AGL: variants seen among roughly 807,000 people sequenced by gnomAD.
AGL encodes amylo-alpha-1,6-glucosidase and 4-alpha-glucanotransferase.
A neutral mutation model predicts 199.3 loss-of-function variants in AGL; 128 were observed. The observed-to-expected ratio is 0.64, with a 90% CI of 0.56 to 0.74. AGL has a LOEUF of 0.74. AGL is among the 30% of genes least tolerant of loss of function. The pLI, the probability that AGL is intolerant of heterozygous loss-of-function variation, is 0.00. For missense variants in AGL, 1,809 were observed against 1,820.8 expected (o/e 0.99, Z 0.12); for synonymous variants, 584 against 594.7 (o/e 0.98, Z 0.26).
intron 33 of AGL, 65 bp from the exon 34 acceptor site, chr1:99,921,469 G>T: frequency 8.7e-7 from 1 of 1,154,030 alleles, no homozygotes; most frequent in Non-Finnish European, 1.3e-6. Context: ...AAATCACCAG[G>T]TCTTGCCTAT....
At chr1:99,920,660 A>G (rs1655453408) in intron 33 of AGL, among the ~76,000 whole-genome samples, 1 of 152,176 alleles carries the variant, frequency 6.6e-6, no homozygotes, top group African/African-American at 2.4e-5. Context: ...GTTTTACCTA[A>G]TGGGATTATT....
Position 99,900,877 on chromosome 1 carries a change from A to C in AGL, c.3588+16A>C, listed in dbSNP as rs1435898282. 1.3e-6 allele frequency: 2 copies of C among 1,555,452 alleles called. No homozygotes were observed. Among genetic ancestry groups the C allele is most frequent in the African/African-American group, 3.0e-5 (2 of 67,668 alleles). On this transcript the variant is annotated intron_variant, in intron 26 of 33. Transcript: ENST00000361915. ...TGGCACACTGGTAAAGATATTTCTT[A>C]AAATGTTTTTTTGTTTTTTTTTTTT...
chr1:99,914,404 C>G (rs1471731272), intron 30 of AGL, among the ~76,000 whole-genome samples: 2 of 152,198 alleles, frequency 1.3e-5, no homozygotes, highest in African/African-American at 2.4e-5. Context: ...ATTTTAGACT[C>G]TCTGCTGTTT....
intron 5 of AGL, among the ~76,000 whole-genome samples, chr1:99,868,448 C>T (rs2101106397): frequency 6.6e-6 from 1 of 152,040 alleles, no homozygotes; most frequent in Admixed American, 6.5e-5. Context: ...CCCATCTCTA[C>T]TAAAAATACA....
intron 20 of AGL, among the ~76,000 whole-genome samples, chr1:99,887,026 G>A (rs1299379525): frequency 1.3e-5 from 2 of 152,168 alleles, no homozygotes; most frequent in Admixed American, 6.5e-5. Context: ...CTAGAATGGA[G>A]TTGATACTGA....
intron 20 of AGL, among the ~76,000 whole-genome samples, chr1:99,886,497 A>G (rs1467416531): frequency 6.6e-6 from 1 of 152,164 alleles, no homozygotes. Flanking sequence ...GAAAAAAAAA[A>G]AGAGATCTTT....
At chr1:99,917,227 G>T (rs1655191850) in intron 33 of AGL, among the ~76,000 whole-genome samples, 1 of 152,150 alleles carries the variant, frequency 6.6e-6, no homozygotes, top group South Asian at 2.1e-4. Context: ...CTTTATAAGA[G>T]TATAAATTCA....
chr1:99,857,488 C>T (rs1300552296), intron 2 of AGL, among the ~76,000 whole-genome samples: 5 of 151,940 alleles, frequency 3.3e-5, no homozygotes, highest in South Asian at 2.1e-4. Flanking sequence ...TGTAGTGAGC[C>T]GAGATCACGC....
At position 99,876,134 on chromosome 1, in the gene AGL, G is replaced by A. The variant is rs661874; in HGVS notation, c.1284-324G>A. On this transcript the variant is annotated intron_variant, in intron 10 of 33. Coordinates refer to ENST00000361915, the MANE Select transcript of AGL (RefSeq NM_000642.3). Reference sequence around the variant, plus strand: ...AGGTAATCCCCCTGCCTCGGCCTCCGAAAGTTCTAGGATTACAGGCATGAG... The same window carrying A: ...AGGTAATCCCCCTGCCTCGGCCTCCAAAAGTTCTAGGATTACAGGCATGAG... Among the ~76,000 whole-genome samples the A allele has an allele frequency of 3.6e-3, 544 of 152,064 alleles. 4 individuals are homozygous for A. Among genetic ancestry groups the A allele is most frequent in the African/African-American group, 0.012 (518 of 41,480 alleles).
At chr1:99,853,677 CAGGAGTTCA>C (rs1437504696) in intron 2 of AGL, among the ~76,000 whole-genome samples, 2 of 151,896 alleles carry the variant, frequency 1.3e-5, no homozygotes, top group East Asian at 3.9e-4. Context: ...CACTTGAGGC[CAGGAGTTCA>C]TGGTCAGCCT....
intron 33 of AGL, among the ~76,000 whole-genome samples, chr1:99,918,924 C>T (rs529849689): frequency 1.3e-5 from 2 of 151,878 alleles, no homozygotes; most frequent in South Asian, 2.1e-4. Context: ...GTGTTCCTGA[C>T]GCTGTATGAG....
intron 23 of AGL, 146 bp from the exon 24 acceptor site, chr1:99,892,286 C>A: frequency 1.3e-6 from 1 of 769,702 alleles, no homozygotes; most frequent in African/African-American, 1.8e-5. Context: ...GTTTTGAAAT[C>A]TAACCAAAGT....
intron 2 of AGL, among the ~76,000 whole-genome samples, chr1:99,853,240 C>G (rs942365171): frequency 2.0e-5 from 3 of 152,192 alleles, no homozygotes; most frequent in Non-Finnish European, 4.4e-5. Flanking sequence ...ACTACACCTT[C>G]CTTAGCCAAG....
At chr1:99,869,904 C>T (rs1045101269) in intron 5 of AGL, among the ~76,000 whole-genome samples, 2 of 152,154 alleles carry the variant, frequency 1.3e-5, no homozygotes, top group African/African-American at 4.8e-5. Flanking sequence ...TATCCAACCT[C>T]CACTCCCACA....
At chr1:99,892,001 A>AC (rs1381518828) in intron 23 of AGL, among the ~76,000 whole-genome samples, 2 of 152,108 alleles carry the variant, frequency 1.3e-5, no homozygotes, top group East Asian at 3.8e-4. Context: ...GTATTCACTG[A>AC]CTTATTGAGT....
Position 99,861,490 on chromosome 1 carries a change from G to A in AGL, c.83-13G>A, listed in dbSNP as rs1039216230. On this transcript the variant is annotated splice_polypyrimidine_tract_variant and intron_variant, in intron 2 of 33. Coordinates refer to ENST00000361915, the MANE Select transcript of AGL (RefSeq NM_000642.3). ...TCCTACGATGAGTTTATTAACATGTGCTTTTTATTTAGGGTATGAGCTACA... is the reference window on the plus strand; with the variant it reads ...TCCTACGATGAGTTTATTAACATGTACTTTTTATTTAGGGTATGAGCTACA... The A allele has an allele frequency of 1.4e-5, 22 of 1,613,570 alleles. No homozygotes were observed. The highest frequency in any genetic ancestry group is 1.7e-5 in the Admixed American group (1 of 59,986).
At position 99,850,370 on chromosome 1, in the gene AGL, G is replaced by C. The variant is rs1477436476; in HGVS notation, c.-114G>C. 6.6e-6 allele frequency: 1 copy of C among 152,456 alleles called. No individual in the cohort carries two copies. The highest frequency in any genetic ancestry group is 1.5e-5 in the Non-Finnish European group (1 of 68,268). 9.4% of individuals were successfully genotyped at this position (152,456 alleles called of 1,614,324 possible). On this transcript the variant is annotated 5_prime_UTR_variant, in exon 1 of 34. Coordinates refer to ENST00000361915, the MANE Select transcript of AGL (RefSeq NM_000642.3). ...TCCCCCCGACCGTAGCACCAGAGTCGCGGGTCCTGCAGTGCCCCAGAAGCC... is the reference window on the plus strand; with the variant it reads ...TCCCCCCGACCGTAGCACCAGAGTCCCGGGTCCTGCAGTGCCCCAGAAGCC...
At chr1:99,862,123 A>G in intron 3 of AGL, 134 bp from the exon 4 acceptor site, 3 of 983,320 alleles carry the variant, frequency 3.1e-6, no homozygotes, top group Non-Finnish European at 4.7e-6. Context: ...CAACTTTTAA[A>G]ATGATTTTAT....
In AGL at chr1:99,921,596, G is replaced by C. The variant is rs1297041479; in HGVS notation, c.4544G>C (p.Cys1515Ser). 6.2e-7 allele frequency: 1 copy of C among 1,613,122 alleles called. No homozygotes were observed. Among genetic ancestry groups the C allele is most frequent in the South Asian group, 1.1e-5 (1 of 91,032 alleles). The stretch of plus-strand genomic sequence containing the variant: ...AATGCCCAGTACTGTCCTTTCAGCT[G>C]TGAAACACAAGCCTGGTCAATTGCT... ...NENAQYCPFS[C>S]ETQAWSIATI... The change falls in exon 34 of 34, where the codon TGT becomes TCT. Residue 1515 changes from cysteine (C) to serine (S), a missense_variant. Cys to Ser is a moderately radical substitution (Grantham distance 112, BLOSUM62 -1). Coordinates refer to ENST00000361915, the MANE Select transcript of AGL (RefSeq NM_000642.3).
Sources: gnomAD v4.1 joint callset for allele counts (sites outside exome capture counted in the v4.1 genomes callset) on GRCh38, gnomAD v4.1.1 for gene constraint, MANE v1.5 for transcripts, NCBI Gene and HGNC (gene_info 2026-07-23, HGNC 2026-07-21) for gene names.